Variants in USP34 observed in about 807,000 individuals in gnomAD.
The protein encoded by USP34 is ubiquitin specific peptidase 34.
In USP34, 70 loss-of-function variants were observed where a neutral mutation model predicts 460.3. The observed-to-expected ratio is 0.15, with a 90% CI of 0.13 to 0.19. The LOEUF (loss-of-function observed/expected upper bound fraction) is 0.19. Among genes scored for constraint, USP34 ranks in the 10% least tolerant of loss-of-function variants. The pLI is 1.00. For missense variants in USP34, 3,985 were observed against 4,236.2 expected (o/e 0.94, Z 1.65); for synonymous variants, 1,647 against 1,405.3 (o/e 1.17, Z -3.85).
chr2:61,232,426 T>G, intron 58 of USP34, 26 bp downstream of exon 58: 1 of 1,556,962 alleles, frequency 6.4e-7, no homozygotes, highest in Non-Finnish European at 8.8e-7. Flanking sequence ...TTCCAAATAA[T>G]TTTTTTCAAA....
At chr2:61,291,970 T>C (rs1490359762) in intron 33 of USP34, among the ~76,000 whole-genome samples, 3 of 152,126 alleles carry the variant, frequency 2.0e-5, no homozygotes, top group Admixed American at 1.3e-4. Flanking sequence ...ATGGACCATA[T>C]ATTGTATGGT....
At chr2:61,190,222 C>G in intron 78 of USP34, 49 bp downstream of exon 78, 5 of 1,549,252 alleles carry the variant, frequency 3.2e-6, no homozygotes, top group Non-Finnish European at 4.3e-6. Flanking sequence ...ACACAGTTAA[C>G]TGAAGGACAG....
chr2:61,451,553 A>G (rs538889062), intron 1 of USP34, among the ~76,000 whole-genome samples: 1 of 151,924 alleles, frequency 6.6e-6, no homozygotes, highest in Non-Finnish European at 1.5e-5. Flanking sequence ...ATGGTGGCAC[A>G]TGCCTGCAAT....
intron 18 of USP34, among the ~76,000 whole-genome samples, chr2:61,338,562 T>C (rs1406970301): frequency 6.6e-6 from 1 of 152,150 alleles, no homozygotes; most frequent in Non-Finnish European, 1.5e-5. Context: ...CCTACACAGA[T>C]GTGAGCAGAA....
chr2:61,292,408 C>T (rs544409649), intron 33 of USP34, among the ~76,000 whole-genome samples: 3 of 152,160 alleles, frequency 2.0e-5, no homozygotes, highest in Admixed American at 2.0e-4. Context: ...CACATATTGG[C>T]AATAAAATGT....
At chr2:61,200,813 C>G (rs898727001) in intron 75 of USP34, 1 of 152,308 alleles carries the variant, frequency 6.6e-6, no homozygotes, top group African/African-American at 2.4e-5. Flanking sequence ...CAAGCCCTTT[C>G]CTGGGCCTCT....
chr2:61,354,380 G>C (rs1270694910), intron 10 of USP34, among the ~76,000 whole-genome samples: 1 of 152,180 alleles, frequency 6.6e-6, no homozygotes, highest in East Asian at 1.9e-4. Flanking sequence ...CTTGCAATAA[G>C]AATTCTAAAT....
chr2:61,395,203 C>G lies in USP34; in HGVS notation c.583G>C (p.Gly195Arg), dbSNP rs1460725950. ...DISTQESNIL[G>R]AFCDMNDVEV... The stretch of plus-strand genomic sequence containing the variant: ...CTTACATTCATATCACAGAATGCCC[C>G]TAATATGTTACTTTCTTGAGTTGAT... The change falls in exon 4 of 80, where the codon GGG becomes CGG. Residue 195 changes from glycine to arginine, a missense_variant. Gly to Arg is a moderately radical substitution (Grantham distance 125). Transcript: ENST00000398571. The G allele has an allele frequency of 6.7e-7, 1 of 1,500,526 alleles. No individual in the cohort carries two copies. The highest frequency in any genetic ancestry group is 9.1e-7 in the Non-Finnish European group (1 of 1,098,362). The allele number at this position is 1,500,526 out of a possible 1,614,324, so 93.0% of individuals were successfully genotyped here.
At chr2:61,244,210 C>G (rs115186794) in intron 51 of USP34, among the ~76,000 whole-genome samples, 2 of 152,228 alleles carry the variant, frequency 1.3e-5, no homozygotes, top group Non-Finnish European at 1.5e-5. Context: ...TAATATTTGT[C>G]TTGTGAGAAT....
Position 61,227,222 on chromosome 2 carries a change from A to C in USP34, c.7444-4T>G, listed in dbSNP as rs1456996495. 2.5e-6 allele frequency: 4 copies of C among 1,605,018 alleles called. No homozygotes were observed. The highest frequency in any genetic ancestry group is 1.7e-6 in the Non-Finnish European group (2 of 1,175,366). ...CTGATAACACTTCAACTTGAGGCTA[A>C]GTTGGAATAAAATTCAATTTTAATA... On this transcript the variant is annotated splice_region_variant and splice_polypyrimidine_tract_variant and intron_variant, in intron 61 of 79. Transcript: ENST00000398571.
intron 69 of USP34, among the ~76,000 whole-genome samples, chr2:61,209,734 C>T (rs961447648): frequency 1.8e-4 from 27 of 152,114 alleles, no homozygotes; most frequent in African/African-American, 6.5e-4. Context: ...AAATGTAAAA[C>T]AGCCTTAGAC....
At chr2:61,337,057 C>G (rs1341288485) in intron 18 of USP34, among the ~76,000 whole-genome samples, 2 of 152,060 alleles carry the variant, frequency 1.3e-5, no homozygotes, top group African/African-American at 2.4e-5. Context: ...CAAAAGAGGG[C>G]ACAGATCTAA....
intron 67 of USP34, among the ~76,000 whole-genome samples, chr2:61,219,153 T>C (rs886114309): frequency 6.6e-6 from 1 of 152,256 alleles, no homozygotes; most frequent in Non-Finnish European, 1.5e-5. Context: ...TCCAGTGCTA[T>C]GTTATTTTGT....
chr2:61,222,522 C>G (rs909556241), intron 65 of USP34, 97 bp downstream of exon 65: 2 of 919,748 alleles, frequency 2.2e-6, no homozygotes, highest in Admixed American at 4.9e-5. Context: ...GGGAGAAACC[C>G]TGATAAATTT....
At position 61,359,877 on chromosome 2, in the gene USP34, C is replaced by T. The variant is rs971149492; in HGVS notation, c.1252-9184G>A. On this transcript the variant is annotated intron_variant, in intron 10 of 79. Transcript: ENST00000398571. ...TCGGCTCACTGCAACCTCTGCCTCC[C>T]AGGTTCAAGCAATTCTCCTGTCTCA... is the stretch of plus-strand genomic sequence containing the variant. 3.3e-5 allele frequency among the ~76,000 whole-genome samples: 5 copies of T among 150,534 alleles called. No individual in the cohort carries two copies. In the South Asian group the frequency reaches 1.1e-3, roughly 32 times the overall value.
At chr2:61,438,667 C>A (rs1290362647) in intron 1 of USP34, among the ~76,000 whole-genome samples, 1 of 151,904 alleles carries the variant, frequency 6.6e-6, no homozygotes, top group East Asian at 1.9e-4. Context: ...AAGGAAAGTA[C>A]ACCAACATAA....
chr2:61,357,374 T>C (rs1291543371), intron 10 of USP34, among the ~76,000 whole-genome samples: 1 of 151,930 alleles, frequency 6.6e-6, no homozygotes, highest in Non-Finnish European at 1.5e-5. Context: ...TTAGAAAATA[T>C]TTACAGATAA....
intron 68 of USP34, among the ~76,000 whole-genome samples, chr2:61,212,902 C>A (rs868381326): frequency 1.3e-5 from 2 of 152,134 alleles, no homozygotes; most frequent in African/African-American, 2.4e-5. Flanking sequence ...GACAAATTTA[C>A]TGAAACTTAA....
chr2:61,224,588 T>G (rs1687676998), intron 62 of USP34, among the ~76,000 whole-genome samples: 2 of 152,206 alleles, frequency 1.3e-5, no homozygotes, highest in South Asian at 4.1e-4. Context: ...AAACTTCCCC[T>G]CAATCACCAT....
Sources: gnomAD v4.1 joint callset for allele counts (sites outside exome capture counted in the v4.1 genomes callset) on GRCh38, gnomAD v4.1.1 for gene constraint, MANE v1.5 for transcripts, NCBI Gene and HGNC (gene_info 2026-07-23, HGNC 2026-07-21) for gene names.